Variants in VTI1A observed in about 807,000 individuals in gnomAD.
VTI1A encodes vesicle transport through interaction with t-SNAREs 1A.
A neutral mutation model predicts 34.9 loss-of-function variants in VTI1A; 22 were observed. The ratio of observed to expected loss-of-function variants is 0.63; its 90% CI spans 0.45 to 0.90. The LOEUF (loss-of-function observed/expected upper bound fraction) is 0.90. VTI1A is among the 40% of genes least tolerant of loss of function. The pLI is 0.00. For missense variants in VTI1A, 268 were observed against 275.6 expected (o/e 0.97, Z 0.20); for synonymous variants, 87 against 97.3 (o/e 0.89, Z 0.62).
chr10:112,723,490 G>T (rs1192434426), intron 7 of VTI1A, among the ~76,000 whole-genome samples: 1 of 152,168 alleles, frequency 6.6e-6, no homozygotes, highest in Admixed American at 6.5e-5. Context: ...CAAGGTGGGG[G>T]CCCGGACTGA....
chr10:112,810,876 A>G (rs1853258852), intron 7 of VTI1A, among the ~76,000 whole-genome samples: 1 of 152,228 alleles, frequency 6.6e-6, no homozygotes, highest in African/African-American at 2.4e-5. Context: ...CTGATTCTTC[A>G]GTGAAAAGTG....
At chr10:112,734,347 T>A (rs1240373072) in intron 7 of VTI1A, among the ~76,000 whole-genome samples, 2 of 152,184 alleles carry the variant, frequency 1.3e-5, no homozygotes, top group Admixed American at 1.3e-4. Flanking sequence ...TGCATCCCTT[T>A]GTGTGTCCTG....
intron 5 of VTI1A, among the ~76,000 whole-genome samples, chr10:112,598,243 C>T (rs1233875086): frequency 6.6e-6 from 1 of 152,166 alleles, no homozygotes; most frequent in African/African-American, 2.4e-5. Flanking sequence ...TTCAGCTTAA[C>T]CCCTTTCACT....
intron 7 of VTI1A, among the ~76,000 whole-genome samples, chr10:112,805,049 G>A (rs1853025223): frequency 6.6e-6 from 1 of 150,586 alleles, no homozygotes; most frequent in South Asian, 2.1e-4. Flanking sequence ...ACTTTTTGTA[G>A]AGACTTGGGT....
At position 112,811,712 on chromosome 10, in the gene VTI1A, A is replaced by AG. The variant is rs1554965460; in HGVS notation, c.561-3577dup. 3.1e-4 allele frequency among the ~76,000 whole-genome samples: 26 copies of AG among 84,042 alleles called. 10 individuals carry two copies. Among genetic ancestry groups the AG allele is most frequent in the African/African-American group, 4.7e-4 (10 of 21,074 alleles). 55.1% of individuals were successfully genotyped at this position (84,042 alleles called of 152,430 possible). ...AAAAAAAAAAAAAAAAAAAAAAAAA[A>AG]GAGTGCAGTCCATGCCTGGAAGTAG... On this transcript the variant is annotated intron_variant, in intron 7 of 7. Coordinates refer to ENST00000393077, the MANE Select transcript of VTI1A (RefSeq NM_145206.4).
chr10:112,503,980 C>T (rs1249152656), intron 3 of VTI1A, among the ~76,000 whole-genome samples: 7 of 152,102 alleles, frequency 4.6e-5, no homozygotes, highest in Non-Finnish European at 8.8e-5. Context: ...CCTTCTTTTT[C>T]CCTTGAGAAA....
At chr10:112,704,439 T>G (rs915632034) in intron 7 of VTI1A, among the ~76,000 whole-genome samples, 2 of 152,224 alleles carry the variant, frequency 1.3e-5, no homozygotes, top group African/African-American at 4.8e-5. Context: ...CTATTTTTCT[T>G]TTTCTTTTTG....
chr10:112,813,257 G>A (rs1412710707), intron 7 of VTI1A, among the ~76,000 whole-genome samples: 1 of 152,220 alleles, frequency 6.6e-6, no homozygotes, highest in Non-Finnish European at 1.5e-5. Context: ...TTCTTACCAT[G>A]CCTCAGATTG....
At chr10:112,769,057 T>A (rs17130058) in intron 7 of VTI1A, among the ~76,000 whole-genome samples, 2 of 152,228 alleles carry the variant, frequency 1.3e-5, no homozygotes, top group African/African-American at 4.8e-5. Flanking sequence ...CTTTTAGGAC[T>A]GACAGTTACT....
intron 5 of VTI1A, among the ~76,000 whole-genome samples, chr10:112,617,279 T>C (rs1845543681): frequency 6.6e-6 from 1 of 152,220 alleles, no homozygotes; most frequent in Non-Finnish European, 1.5e-5. Flanking sequence ...AATTGTCTTC[T>C]CAACATTGTG....
intron 7 of VTI1A, among the ~76,000 whole-genome samples, chr10:112,775,578 A>T (rs1433368928): frequency 1.6e-5 from 2 of 128,444 alleles, no homozygotes; most frequent in East Asian, 4.7e-4. Flanking sequence ...GCAGAGGGGG[A>T]AAAAAAATCC....
At chr10:112,636,627 A>G (rs1590005476) in intron 5 of VTI1A, among the ~76,000 whole-genome samples, 1 of 150,850 alleles carries the variant, frequency 6.6e-6, no homozygotes, top group Non-Finnish European at 1.5e-5. Context: ...TACTTGGGAG[A>G]CTGAGGCACG....
downstream of VTI1A, among the ~76,000 whole-genome samples, chr10:112,819,014 CT>C (rs1853600620): frequency 6.6e-6 from 1 of 152,120 alleles, no homozygotes; most frequent in East Asian, 1.9e-4. Flanking sequence ...TACAGGCACA[CT>C]TTAATATTTA....
intron 3 of VTI1A, among the ~76,000 whole-genome samples, chr10:112,470,480 C>T (rs777554909): frequency 1.3e-5 from 2 of 152,098 alleles, no homozygotes; most frequent in Admixed American, 6.5e-5. Flanking sequence ...AGAGCAAGAA[C>T]GGAGGAAGGC....
chr10:112,479,439 G>T (rs1307937059), intron 3 of VTI1A, among the ~76,000 whole-genome samples: 1 of 152,050 alleles, frequency 6.6e-6, no homozygotes, highest in Non-Finnish European at 1.5e-5. Flanking sequence ...TCCCTTATCT[G>T]ATGAAAACTT....
chr10:112,498,645 T>C (rs1849112858), intron 3 of VTI1A, among the ~76,000 whole-genome samples: 1 of 152,232 alleles, frequency 6.6e-6, no homozygotes, highest in Admixed American at 6.5e-5. Context: ...GATTGTGGGA[T>C]ACATTCATTG....
chr10:112,612,364 T>A (rs1481525957), intron 5 of VTI1A, among the ~76,000 whole-genome samples: 1 of 152,194 alleles, frequency 6.6e-6, no homozygotes, highest in Non-Finnish European at 1.5e-5. Context: ...GATTTCTTTC[T>A]TGCTTCCTAC....
chr10:112,506,722 T>G (rs1162247600), intron 3 of VTI1A, among the ~76,000 whole-genome samples: 1 of 152,222 alleles, frequency 6.6e-6, no homozygotes, highest in African/African-American at 2.4e-5. Context: ...CTTGCAAATC[T>G]CATTTCCATT....
chr10:112,614,075 A>G (rs1223914540), intron 5 of VTI1A, among the ~76,000 whole-genome samples: 1 of 152,164 alleles, frequency 6.6e-6, no homozygotes, highest in South Asian at 2.1e-4. Context: ...TTTTAGAGGA[A>G]GTAATGCACA....
Sources: allele counts gnomAD v4.1 joint callset (sites outside exome capture counted in the v4.1 genomes callset), GRCh38; gene constraint gnomAD v4.1.1; transcripts MANE v1.5; gene names NCBI Gene and HGNC (gene_info 2026-07-23, HGNC 2026-07-21).